The following ACE variants were observed in gnomAD, a reference collection of about 807,000 sequenced individuals.
ACE encodes angiotensin I converting enzyme.
A neutral mutation model predicts 162.3 loss-of-function variants in ACE; 122 were observed. That is an observed-to-expected ratio of 0.75 (90% CI 0.65 to 0.87). ACE has a LOEUF of 0.87. Ranked by LOEUF, ACE falls within the 40% of genes least tolerant of loss-of-function variation. The pLI is 0.00. For missense variants in ACE, 1,799 were observed against 1,735.1 expected (o/e 1.04, Z -0.65); for synonymous variants, 796 against 720.6 (o/e 1.10, Z -1.68).
chr17:63,487,300 C>T (rs2030021391), intron 15 of ACE, among the ~76,000 whole-genome samples: 1 of 152,154 alleles, frequency 6.6e-6, no homozygotes. Flanking sequence ...GAACCGCCCT[C>T]TGCTTAAGGG....
Position 63,478,036 on chromosome 17 carries a change from A to G in ACE, c.355A>G (p.Arg119Gly). 6.2e-7 allele frequency: 1 copy of G among 1,607,280 alleles called. No individual in the cohort carries two copies. Among genetic ancestry groups the G allele is most frequent in the Non-Finnish European group, 8.5e-7 (1 of 1,177,260 alleles). The change falls in exon 2 of 25, where the codon AGG becomes GGG. Residue 119 changes from arginine (R) to glycine (G), a missense_variant. Transcript: ENST00000290866. ...GAACTTCACGGACCCGCAGCTGCGC[A>G]GGATCATCGGAGCTGTGCGCACCCT... ...WQNFTDPQLRRIIGAVRTLGS... is the reference protein window; with the variant it reads ...WQNFTDPQLRGIIGAVRTLGS...
rs2049690875 is a variant in ACE at position 63,480,592 on chromosome 17, G to A, written c.847+64G>A. The A allele has an allele frequency of 4.5e-6, 7 of 1,565,944 alleles. No homozygotes were observed. The Admixed American group carries it at 1.2e-4, about 26-fold the overall frequency. ...AGTGTGGGTCCCGAGGTAGGGGTGG[G>A]GGATGTCCAGGGTAAGGGAAGGTGG... On this transcript the variant is annotated intron_variant, in intron 5 of 24. Transcript: ENST00000290866.
Position 63,478,992 on chromosome 17 carries a change from CCT to C in ACE, c.418-12_418-11del. Reference sequence around the variant, plus strand: ...GGGCTGGTCACTGGAGCATTCCTCCCCTCTGACTCCCCAGTACAACGCCCTGC... The same window carrying C: ...GGGCTGGTCACTGGAGCATTCCTCCCCTGACTCCCCAGTACAACGCCCTGC... On this transcript the variant is annotated splice_polypyrimidine_tract_variant and intron_variant, in intron 2 of 24. Transcript: ENST00000290866. The C allele has an allele frequency of 1.2e-6, 2 of 1,610,282 alleles. No individual in the cohort carries two copies. The highest frequency in any genetic ancestry group is 1.7e-6 in the Non-Finnish European group (2 of 1,177,512).
intron 5 of ACE, 149 bp downstream of exon 5, chr17:63,480,677 G>A (rs2049692301): frequency 3.3e-6 from 3 of 917,138 alleles, no homozygotes; most frequent in Non-Finnish European, 5.2e-6. Flanking sequence ...ACATGCAGGA[G>A]ACCATTCGTG....
chr17:63,484,350 C>T lies in ACE; in HGVS notation c.1730C>T (p.Ser577Phe). ...AKLRKVLQAG[S>F]SRPWQEVLKD... ...ACCAGGAAGGTGCTGCAGGCTGGCTCCTCCAGGCCCTGGCAGGAGGTGCTG... is the reference window on the plus strand; with the variant it reads ...ACCAGGAAGGTGCTGCAGGCTGGCTTCTCCAGGCCCTGGCAGGAGGTGCTG... The change falls in exon 12 of 25, where the codon TCC (serine) becomes TTC (phenylalanine). Residue 577 changes from serine to phenylalanine, a missense_variant. Transcript: ENST00000290866. This position sits in a 1 kb window ranked among gnomAD's most constrained non-coding sequence, Gnocchi z 4.0. 2 of 1,611,030 alleles carry T rather than the reference C, an allele frequency of 1.2e-6. No homozygotes were observed. Among genetic ancestry groups the T allele is most frequent in the South Asian group, 1.1e-5 (1 of 90,816 alleles).
In ACE at chr17:63,483,887, A is replaced by G. The variant is rs1453609198; in HGVS notation, c.1625A>G (p.Glu542Gly). ...VSFVLQFQFH[E>G]ALCKEAGYEG... Reference sequence around the variant, plus strand: ...TTTGTCCTGCAGTTCCAGTTCCATGAAGCCCTGTGCAAGGAGGCAGGCTAT... The same window carrying G: ...TTTGTCCTGCAGTTCCAGTTCCATGGAGCCCTGTGCAAGGAGGCAGGCTAT... Residue 542 changes from glutamate to glycine, a missense_variant, in exon 11 of 25, where the codon GAA (glutamate) becomes GGA (glycine). By Grantham distance (98) the Glu-to-Gly change is moderately conservative. Coordinates refer to ENST00000290866, the MANE Select transcript of ACE (RefSeq NM_000789.4). 1 of 1,613,992 alleles carries G rather than the reference A, an allele frequency of 6.2e-7. No homozygotes were observed. The highest frequency in any genetic ancestry group is 2.2e-5 in the East Asian group (1 of 44,880).
intron 15 of ACE, 151 bp downstream of exon 15, chr17:63,487,224 C>A: frequency 1.4e-6 from 1 of 704,534 alleles, no homozygotes; most frequent in South Asian, 1.6e-5. Flanking sequence ...ACGAGGGGGG[C>A]TTCTCTGCCC....
In ACE at chr17:63,482,547, G is replaced by A. The variant is rs374342422; in HGVS notation, c.1200G>A (p.Gln400=). Residue 400 remains glutamine, a synonymous_variant, in exon 8 of 25, where the codon CAG becomes CAA. Coordinates refer to ENST00000290866, the MANE Select transcript of ACE (RefSeq NM_000789.4). Reference sequence around the variant, plus strand: ...TGGGCCATATACAGTACTACCTGCAGTACAAGGATCTGCCCGTCTCCCTGC... The same window carrying A: ...TGGGCCATATACAGTACTACCTGCAATACAAGGATCTGCCCGTCTCCCTGC... The part of the protein sequence containing the change: ...HEMGHIQYYL[Q]YKDLPVSLRR... 6 of 1,613,990 alleles carry A rather than the reference G, an allele frequency of 3.7e-6. No individual in the cohort carries two copies. The highest frequency in any genetic ancestry group is 5.1e-6 in the Non-Finnish European group (6 of 1,180,026).
Position 63,477,305 on chromosome 17 carries a change from C to G in ACE, c.211C>G (p.His71Asp), listed in dbSNP as rs773257897. The G allele has an allele frequency of 7.0e-7, 1 of 1,438,570 alleles. No homozygotes were observed. The highest frequency in any genetic ancestry group is 1.4e-5 in the South Asian group (1 of 71,292). 89.1% of individuals were successfully genotyped at this position (1,438,570 alleles called of 1,614,324 possible). A position where few individuals can be genotyped will look rare whatever the true frequency, so the allele number is the denominator to read the frequency against. The change falls in exon 1 of 25, where the codon CAC (histidine) becomes GAC (aspartate). Residue 71 changes from histidine (H) to aspartate (D), a missense_variant. Physicochemically the swap from His to Asp is moderately conservative, Grantham distance 81. Coordinates refer to ENST00000290866, the MANE Select transcript of ACE (RefSeq NM_000789.4). ...CCAGAGCGTGGCCGCCAGCTGGGCG[C>G]ACGACACCAACATCACCGCGGAGAA... The part of the protein sequence containing the change: ...LFQSVAASWA[H>D]DTNITAENAR...
chr17:63,496,685 C>T (rs752037852), intron 23 of ACE, 113 bp from the exon 24 acceptor site: 44 of 1,579,830 alleles, frequency 2.8e-5, no homozygotes, highest in Non-Finnish European at 3.6e-5. Context: ...ACCTGGAGCC[C>T]TGGGGCCCTG....
At position 63,488,659 on chromosome 17, in the gene ACE, G is replaced by A. The variant is rs143830698; in HGVS notation, c.2317G>A (p.Val773Met). 1.7e-4 allele frequency: 281 copies of A among 1,613,116 alleles called. No homozygotes were observed. Among genetic ancestry groups the A allele is most frequent in the Non-Finnish European group, 2.2e-4 (265 of 1,179,894 alleles). Residue 773 changes from valine (V) to methionine (M), a missense_variant, in exon 16 of 25, where the codon GTG (valine) becomes ATG (methionine). Coordinates refer to ENST00000290866, the MANE Select transcript of ACE (RefSeq NM_000789.4). ...CAAACCCCTACCAGATCTGACGAAT[G>A]TGATGGCCACGTCCCGGAAATATGA... ...CLQLEPDLTN[V>M]MATSRKYEDL...
rs2030860714 is a variant in ACE, at chr17:63,497,725, C to T, written c.*359C>T. The T allele has an allele frequency of 2.2e-6, 1 of 457,644 alleles. No homozygotes were observed. The highest frequency in any genetic ancestry group is 4.1e-6 in the Non-Finnish European group (1 of 241,626). 28.3% of individuals were successfully genotyped at this position (457,644 alleles called of 1,614,324 possible). ...GTTACTAGGTTTGTTCCTCCATCCT[C>T]CTTCAGGAGCCGGGGAGGATCCCCA... On this transcript the variant is annotated 3_prime_UTR_variant, in exon 25 of 25. Transcript: ENST00000290866.
At position 63,479,841 on chromosome 17, in the gene ACE, C is replaced by T. The variant is rs376986357; in HGVS notation, c.584C>T (p.Ala195Val). 1.1e-5 allele frequency: 17 copies of T among 1,613,118 alleles called. No homozygotes were observed. The East Asian group carries it at 3.8e-4, about 36-fold the overall frequency. The change falls in exon 4 of 25, where the codon GCT (alanine) becomes GTT (valine). Residue 195 changes from alanine (A) to valine (V), a missense_variant. Transcript: ENST00000290866. ...LLFAWEGWHNAAGIPLKPLYE... is the reference protein window; with the variant it reads ...LLFAWEGWHNVAGIPLKPLYE... The stretch of plus-strand genomic sequence containing the variant: ...TTTGCCTGGGAGGGCTGGCACAACG[C>T]TGCGGGCATCCCGCTGAAACCGCTG...
chr17:63,497,723 C>T lies in ACE; in HGVS notation c.*357C>T, dbSNP rs2030860549. The T allele has an allele frequency of 8.6e-6, 4 of 467,788 alleles. No individual in the cohort carries two copies. Among genetic ancestry groups the T allele is most frequent in the South Asian group, 6.0e-5 (3 of 49,930 alleles). 29.0% of individuals were successfully genotyped at this position (467,788 alleles called of 1,614,324 possible). ...CCGTTACTAGGTTTGTTCCTCCATC[C>T]TCCTTCAGGAGCCGGGGAGGATCCC... On this transcript the variant is annotated 3_prime_UTR_variant, in exon 25 of 25. Transcript: ENST00000290866.
intron 22 of ACE, among the ~76,000 whole-genome samples, chr17:63,494,918 G>A (rs534552694): frequency 6.6e-6 from 1 of 152,198 alleles, no homozygotes; most frequent in Non-Finnish European, 1.5e-5. Context: ...GGTTAAGGTG[G>A]GAGGCAGGGT....
chr17:63,477,424 G>A (rs1192974878), intron 1 of ACE, 81 bp downstream of exon 1: 2 of 1,106,942 alleles, frequency 1.8e-6, no homozygotes, highest in African/African-American at 3.3e-5. Flanking sequence ...GGGGCGGGCA[G>A]GCTGGCGCCC....
At chr17:63,487,097 G>T (rs751477895) in intron 15 of ACE, 24 bp downstream of exon 15, 4 of 1,608,340 alleles carry the variant, frequency 2.5e-6, no homozygotes, top group Admixed American at 3.3e-5. Flanking sequence ...TGCAGGCTGA[G>T]TGAGAGGCGA....
chr17:63,478,334 T>C, intron 2 of ACE: 1 of 581,428 alleles, frequency 1.7e-6, no homozygotes, highest in South Asian at 2.0e-5. Context: ...CAAATTCAAA[T>C]ACACTTCTCC....
At position 63,484,995 on chromosome 17, in the gene ACE, G is replaced by A. The variant is rs768093130; in HGVS notation, c.1922-241G>A. ...GTGACAGTCACCCATGGGACAAGCA[G>A]CCAGGCAACAACCAGCAGCCAGACA... On this transcript the variant is annotated intron_variant, in intron 12 of 24. Coordinates refer to ENST00000290866, the MANE Select transcript of ACE (RefSeq NM_000789.4). This position sits in a 1 kb window ranked among gnomAD's most constrained non-coding sequence, Gnocchi z 4.0. 6.2e-6 allele frequency: 10 copies of A among 1,610,176 alleles called. No homozygotes were observed. The East Asian group carries it at 2.0e-4, about 33-fold the overall frequency.
Sources: allele counts gnomAD v4.1 joint callset (sites outside exome capture counted in the v4.1 genomes callset), GRCh38; gene constraint gnomAD v4.1.1; non-coding constraint Gnocchi (gnomAD v3.1); transcripts MANE v1.5; gene names NCBI Gene and HGNC (gene_info 2026-07-23, HGNC 2026-07-21).